The following CUL4A variants were observed in gnomAD, a reference collection of about 807,000 sequenced individuals.
CUL4A encodes the protein cullin 4A, also known as cullin-4A.
CUL4A carries 16 observed loss-of-function variants against 95.5 expected under a neutral mutation model. The observed-to-expected ratio is 0.17, with a 90% CI of 0.11 to 0.25. The LOEUF is 0.25. CUL4A is among the 10% of genes least tolerant of loss of function. The probability of loss-of-function intolerance (pLI) is 1.00; values close to 1 mark genes in which losing one functional copy is unlikely to be tolerated. For synonymous variants in CUL4A, 380 were observed against 353.1 expected (o/e 1.08, Z -0.85); for missense variants, 610 against 937.0 (o/e 0.65, Z 4.56).
chr13:113,229,746 C>A, intron 5 of CUL4A: 2 of 536,366 alleles, frequency 3.7e-6, no homozygotes, highest in South Asian at 2.8e-5. Context: ...GGACAGGCGG[C>A]TGACTTTGGT....
At position 113,244,478 on chromosome 13, in the gene CUL4A, T is replaced by C. The variant is rs1337501856; in HGVS notation, c.1297T>C (p.Leu433=). 2 of 1,613,372 alleles carry C rather than the reference T, an allele frequency of 1.2e-6. No individual in the cohort carries two copies. Among genetic ancestry groups the C allele is most frequent in the Non-Finnish European group, 1.7e-6 (2 of 1,179,790 alleles). Residue 433 remains leucine (L), a synonymous_variant, in exon 12 of 20, where the codon TTG becomes CTG. Coordinates refer to ENST00000375440, the MANE Select transcript of CUL4A (RefSeq NM_001008895.4). ...EATDEELERT[L]DKIMILFRFI... is the part of the protein sequence containing the mutation. ...CACAGACGAGGAGCTGGAGCGGACG[T>C]TGGACAAGATCATGATCCTGTTCAG...
upstream of CUL4A, chr13:113,208,209 G>T: frequency 6.5e-7 from 1 of 1,539,062 alleles, no homozygotes; most frequent in South Asian, 1.2e-5. Flanking sequence ...CCCGCATCCT[G>T]CTGGGAAACA....
chr13:113,216,731 C>A (rs758563326), intron 2 of CUL4A, among the ~76,000 whole-genome samples: 2 of 152,140 alleles, frequency 1.3e-5, no homozygotes, highest in Non-Finnish European at 2.9e-5. Context: ...GGAGGGGCAA[C>A]TCCTGTGTTG....
intron 19 of CUL4A, among the ~76,000 whole-genome samples, chr13:113,261,926 A>G (rs1293427236): frequency 6.6e-6 from 1 of 152,070 alleles, no homozygotes; most frequent in Non-Finnish European, 1.5e-5. Flanking sequence ...GCTTACAGGC[A>G]CGCGCCACCA....
upstream of CUL4A, among the ~76,000 whole-genome samples, chr13:113,209,300 C>G (rs1054184854): frequency 1.4e-5 from 2 of 146,716 alleles, no homozygotes; most frequent in African/African-American, 5.0e-5. Flanking sequence ...GTGCCCGGAG[C>G]CCTGGGGGCA....
chr13:113,227,409 C>T (rs1239945791), intron 3 of CUL4A, among the ~76,000 whole-genome samples: 2 of 152,196 alleles, frequency 1.3e-5, no homozygotes, highest in Non-Finnish European at 2.9e-5. Flanking sequence ...TCTTTTGTAA[C>T]CCCATTCTTG....
At position 113,209,648 on chromosome 13, in the gene CUL4A, G is replaced by A; in HGVS notation, c.21G>A (p.Arg7=). Residue 7 remains arginine (R), a synonymous_variant, in exon 1 of 20, where the codon CGG becomes CGA. Coordinates refer to ENST00000375440, the MANE Select transcript of CUL4A (RefSeq NM_001008895.4). MADEAP[R]KGSFSALVGR... is the part of the protein sequence containing the mutation. ...CAGCCATGGCGGACGAGGCCCCGCG[G>A]AAGGGCAGCTTCTCGGCGCTCGTGG... 7 of 1,114,336 alleles carry A rather than the reference G, an allele frequency of 6.3e-6. No individual in the cohort carries two copies. Among genetic ancestry groups the A allele is most frequent in the South Asian group, 4.3e-5 (1 of 23,290 alleles). 69.0% of individuals were successfully genotyped at this position (1,114,336 alleles called of 1,614,324 possible).
chr13:113,208,499 G>A (rs2040124366), upstream of CUL4A: 7 of 1,547,482 alleles, frequency 4.5e-6, no homozygotes, highest in Non-Finnish European at 6.1e-6. Flanking sequence ...AGGGTGGCGA[G>A]GCGGGAAAGG....
At chr13:113,254,629 C>T in intron 16 of CUL4A, 64 bp from the exon 17 acceptor site, 1 of 1,145,278 alleles carries the variant, frequency 8.7e-7, no homozygotes, top group Non-Finnish European at 1.2e-6. Context: ...AAAGAAGCTT[C>T]TTTTAATTTT....
At chr13:113,221,013 C>A (rs1195995432) in intron 3 of CUL4A, among the ~76,000 whole-genome samples, 4 of 152,204 alleles carry the variant, frequency 2.6e-5, no homozygotes, top group Non-Finnish European at 5.9e-5. Flanking sequence ...AACTGCGCGT[C>A]AGGCCAGGAA....
At position 113,255,050 on chromosome 13, in the gene CUL4A, C is replaced by T. The variant is rs772083830; in HGVS notation, c.1956C>T (p.Asp652=). Residue 652 remains aspartate (D), a synonymous_variant, in exon 18 of 20, where the codon GAC becomes GAT. Coordinates refer to ENST00000375440, the MANE Select transcript of CUL4A (RefSeq NM_001008895.4). The part of the protein sequence containing the change: ...SPKGKEVEDG[D]KFIFNGEFKH... Reference sequence around the variant, plus strand: ...AAGGAAAGGAAGTGGAAGATGGAGACAAGTTCATTTTTAATGGAGAGTTCA... The same window carrying T: ...AAGGAAAGGAAGTGGAAGATGGAGATAAGTTCATTTTTAATGGAGAGTTCA... The T allele has an allele frequency of 1.5e-5, 25 of 1,613,972 alleles. No individual in the cohort carries two copies. Among genetic ancestry groups the T allele is most frequent in the Non-Finnish European group, 1.9e-5 (23 of 1,179,964 alleles).
At chr13:113,240,023 C>T (rs1197153055) in intron 10 of CUL4A, among the ~76,000 whole-genome samples, 2 of 152,176 alleles carry the variant, frequency 1.3e-5, no homozygotes, top group Non-Finnish European at 1.5e-5. Context: ...TTTCATGTTT[C>T]GAAAGCATTT....
chr13:113,257,793 A>G (rs182119261), intron 18 of CUL4A, among the ~76,000 whole-genome samples: 7 of 152,354 alleles, frequency 4.6e-5, no homozygotes, highest in African/African-American at 9.6e-5. Flanking sequence ...TTATTTTTCT[A>G]GAAGTTTTTA....
chr13:113,231,029 TC>T (rs1486576963), intron 5 of CUL4A, among the ~76,000 whole-genome samples: 1 of 152,130 alleles, frequency 6.6e-6, no homozygotes, highest in Non-Finnish European at 1.5e-5. Flanking sequence ...CACCTCAGCC[TC>T]CCAAAGTGCT....
chr13:113,215,507 T>G (rs939183132), intron 2 of CUL4A, among the ~76,000 whole-genome samples: 4 of 148,662 alleles, frequency 2.7e-5, no homozygotes, highest in African/African-American at 1.0e-4. Context: ...TGTGTGACTA[T>G]GGAGGTCTCG....
chr13:113,224,653 G>A (rs1410844001), intron 3 of CUL4A, among the ~76,000 whole-genome samples: 1 of 152,266 alleles, frequency 6.6e-6, no homozygotes, highest in Non-Finnish European at 1.5e-5. Context: ...CTTTGTGCCT[G>A]TTCTCACTTG....
intron 3 of CUL4A, among the ~76,000 whole-genome samples, chr13:113,226,514 T>A (rs2041111060): frequency 6.6e-6 from 1 of 152,236 alleles, no homozygotes; most frequent in African/African-American, 2.4e-5. Flanking sequence ...TCATTGATGA[T>A]TCTCAGCTTT....
Position 113,263,759 on chromosome 13 carries a change from A to AT in CUL4A, c.*178dup. The AT allele has an allele frequency of 2.3e-6, 1 of 426,638 alleles. No individual in the cohort carries two copies. The highest frequency in any genetic ancestry group is 4.2e-6 in the Non-Finnish European group (1 of 239,616). 26.4% of individuals were successfully genotyped at this position (426,638 alleles called of 1,614,324 possible). ...GCTCAAGACTTCAACCTGCAGATGT[A>AT]TCTTTTTCCCTCCAGTTTTTCCTCT... On this transcript the variant is annotated 3_prime_UTR_variant, in exon 20 of 20. Transcript: ENST00000375440.
intron 15 of CUL4A, among the ~76,000 whole-genome samples, chr13:113,247,009 C>T (rs1432712870): frequency 6.6e-6 from 1 of 152,178 alleles, no homozygotes; most frequent in Admixed American, 6.5e-5. Flanking sequence ...AGCATGGCAC[C>T]TGTGTCTGTG....
Sources: gnomAD v4.1 joint callset for allele counts (sites outside exome capture counted in the v4.1 genomes callset) on GRCh38, gnomAD v4.1.1 for gene constraint, MANE v1.5 for transcripts, NCBI Gene and HGNC (gene_info 2026-07-23, HGNC 2026-07-21) for gene names.